The following IL17RD variants were observed in gnomAD, a reference collection of about 807,000 sequenced individuals.
The protein encoded by IL17RD is interleukin 17 receptor D, also known as interleukin-17 receptor D.
In IL17RD, 52 loss-of-function variants were observed where a neutral mutation model predicts 80.5. The observed-to-expected ratio is 0.65, with a 90% CI of 0.52 to 0.81. IL17RD has a LOEUF of 0.81. Ranked by LOEUF, IL17RD falls within the 40% of genes least tolerant of loss-of-function variation. The probability of loss-of-function intolerance (pLI) is 0.00; values close to 1 mark genes in which losing one functional copy is unlikely to be tolerated. For missense variants in IL17RD, 1,024 were observed against 955.1 expected (o/e 1.07, Z -0.95); for synonymous variants, 416 against 391.8 (o/e 1.06, Z -0.73).
intron 1 of IL17RD, among the ~76,000 whole-genome samples, chr3:57,121,879 C>T (rs1376362734): frequency 1.3e-5 from 2 of 152,112 alleles, no homozygotes; most frequent in East Asian, 3.9e-4. Flanking sequence ...TTATAAGCCC[C>T]CAAGACATAA....
intron 5 of IL17RD, among the ~76,000 whole-genome samples, chr3:57,109,180 G>A (rs1707035060): frequency 6.6e-6 from 1 of 152,054 alleles, no homozygotes; most frequent in African/African-American, 2.4e-5. Flanking sequence ...ATGGAATCTT[G>A]CTCTATCACT....
chr3:57,136,641 CAAAAAAAAAA>C (rs59941543), intron 1 of IL17RD, among the ~76,000 whole-genome samples: 1 of 48,100 alleles, frequency 2.1e-5, no homozygotes, highest in African/African-American at 7.3e-5. Flanking sequence ...AACCCCCACT[CAAAAAAAAAA>C]AAAAAAAAAA....
At chr3:57,143,305 T>C (rs1466439591) in intron 1 of IL17RD, among the ~76,000 whole-genome samples, 2 of 152,200 alleles carry the variant, frequency 1.3e-5, no homozygotes, top group Non-Finnish European at 2.9e-5. Context: ...GGCACAAAAC[T>C]GTCTCAGTGC....
intron 1 of IL17RD, among the ~76,000 whole-genome samples, chr3:57,146,862 G>C (rs1221505544): frequency 7.9e-6 from 1 of 125,970 alleles, no homozygotes; most frequent in Non-Finnish European, 1.5e-5. Context: ...CTGTCGCCCA[G>C]ACTGGAGTGC....
At chr3:57,127,563 G>C (rs769317551) in intron 1 of IL17RD, among the ~76,000 whole-genome samples, 18 of 150,848 alleles carry the variant, frequency 1.2e-4, no homozygotes, top group Non-Finnish European at 2.2e-4. Flanking sequence ...CCACCACCAT[G>C]TCTGGCTAAT....
chr3:57,127,412 A>ATATATATATATTTT (rs1246159104), intron 1 of IL17RD, among the ~76,000 whole-genome samples: 1 of 91,216 alleles, frequency 1.1e-5, no homozygotes, highest in African/African-American at 4.9e-5. Flanking sequence ...ATATATATAT[A>ATATATATATATTTT]TTTTTTTTTT....
At chr3:57,143,293 C>T (rs1048730118) in intron 1 of IL17RD, among the ~76,000 whole-genome samples, 1 of 152,210 alleles carries the variant, frequency 6.6e-6, no homozygotes, top group Non-Finnish European at 1.5e-5. Context: ...TTTGTTTGCA[C>T]AGGCACAAAA....
At chr3:57,154,291 C>T (rs200041889) in intron 1 of IL17RD, among the ~76,000 whole-genome samples, 14 of 117,554 alleles carry the variant, frequency 1.2e-4, no homozygotes, top group East Asian at 9.7e-4. Flanking sequence ...TATACACACA[C>T]ACACACACAC....
At chr3:57,124,610 GA>G (rs1229599412) in intron 1 of IL17RD, among the ~76,000 whole-genome samples, 1 of 152,156 alleles carries the variant, frequency 6.6e-6, no homozygotes, top group Non-Finnish European at 1.5e-5. Flanking sequence ...ACAGCCTCCA[GA>G]AGGAGCCAGC....
chr3:57,096,476 T>G lies in IL17RD; in HGVS notation c.2137A>C (p.Lys713Gln). 1.2e-6 allele frequency: 2 copies of G among 1,613,748 alleles called. No homozygotes were observed. The highest frequency in any genetic ancestry group is 1.7e-6 in the Non-Finnish European group (2 of 1,179,734). ...TTGCATGACCCAGAAGAGAGGAGCT[T>G]GGAAGGAAGGGCAGGAGGTTCCTCC... ...GEEEPPALPS[K>Q]LLSSGSCKAD... Residue 713 changes from lysine to glutamine, a missense_variant, in exon 13 of 13, where the codon AAG becomes CAG. Coordinates refer to ENST00000296318, the MANE Select transcript of IL17RD (RefSeq NM_017563.5).
At position 57,096,367 on chromosome 3, in the gene IL17RD, G is replaced by C; in HGVS notation, c.*26C>G. The C allele has an allele frequency of 6.7e-7, 1 of 1,484,556 alleles. No homozygotes were observed. Among genetic ancestry groups the C allele is most frequent in the Non-Finnish European group, 9.4e-7 (1 of 1,061,716 alleles). 92.0% of individuals were successfully genotyped at this position (1,484,556 alleles called of 1,614,324 possible). ...ATCAGAGGGAGGCAGCAGCTAAAGT[G>C]GCAATGCTTAGACTCTTTCGTTTTG... On this transcript the variant is annotated 3_prime_UTR_variant, in exon 13 of 13. Coordinates refer to ENST00000296318, the MANE Select transcript of IL17RD (RefSeq NM_017563.5).
At chr3:57,112,655 T>C (rs941345523) in intron 3 of IL17RD, among the ~76,000 whole-genome samples, 2 of 152,270 alleles carry the variant, frequency 1.3e-5, no homozygotes, top group African/African-American at 4.8e-5. Flanking sequence ...AAAATGTTTT[T>C]AATCTTTAAA....
upstream of IL17RD, among the ~76,000 whole-genome samples, chr3:57,167,784 G>C (rs544913217): frequency 6.6e-6 from 1 of 152,264 alleles, no homozygotes; most frequent in Admixed American, 6.5e-5. Flanking sequence ...CTCTGGTTGC[G>C]AATGAGGTAG....
At chr3:57,143,995 T>C (rs533518614) in intron 1 of IL17RD, among the ~76,000 whole-genome samples, 34 of 152,182 alleles carry the variant, frequency 2.2e-4, no homozygotes, top group Non-Finnish European at 4.4e-4. Flanking sequence ...TCCACAGATA[T>C]TAGGCCCATT....
At chr3:57,101,453 A>G in intron 10 of IL17RD, 90 bp from the exon 11 acceptor site, 1 of 822,468 alleles carries the variant, frequency 1.2e-6, no homozygotes, top group Admixed American at 2.5e-5. Flanking sequence ...TCTTCAAGAA[A>G]GAACACGTCT....
chr3:57,098,061 T>C lies in IL17RD; in HGVS notation c.1642A>G (p.Asn548Asp). The C allele has an allele frequency of 6.2e-7, 1 of 1,614,008 alleles. No individual in the cohort carries two copies. The change falls in exon 12 of 13, where the codon AAC (asparagine) becomes GAC (aspartate). Residue 548 changes from asparagine (N) to aspartate (D), a missense_variant. By Grantham distance (23) the Asn-to-Asp change is conservative. Coordinates refer to ENST00000296318, the MANE Select transcript of IL17RD (RefSeq NM_017563.5). ...TCCTCGTCAATAAACTGGTGCATGT[T>C]GCAAATGGCGACGTATAGGGACCGG... is the stretch of plus-strand genomic sequence containing the variant. ...SGRSLYVAIC[N>D]MHQFIDEEPD...
chr3:57,147,585 T>C (rs764313762), intron 1 of IL17RD, among the ~76,000 whole-genome samples: 5 of 152,144 alleles, frequency 3.3e-5, no homozygotes, highest in Non-Finnish European at 7.3e-5. Flanking sequence ...AGGTAACCCA[T>C]CTGTATGAAG....
In IL17RD at chr3:57,098,230, G is replaced by C; in HGVS notation, c.1473C>G (p.Ile491Met). ...DYSCEGDVPG[I>M]LDLSTKYRLM... ...GTCTGTACTTGGTACTCAGGTCTAG[G>C]ATACCGGGGACGTCTCCCTCGCAGG... The change falls in exon 12 of 13, where the codon ATC (isoleucine) becomes ATG (methionine). Residue 491 changes from isoleucine to methionine, a missense_variant. By Grantham distance (10) the Ile-to-Met change is conservative (BLOSUM62 1). Transcript: ENST00000296318. 6.2e-7 allele frequency: 1 copy of C among 1,613,922 alleles called. No homozygotes were observed. Among genetic ancestry groups the C allele is most frequent in the Non-Finnish European group, 8.5e-7 (1 of 1,179,856 alleles).
intron 1 of IL17RD, among the ~76,000 whole-genome samples, chr3:57,135,888 C>T (rs776288896): frequency 1.0e-4 from 14 of 134,206 alleles, no homozygotes; most frequent in Non-Finnish European, 1.8e-4. Context: ...CAAGAGGACA[C>T]GGTGACAAGG....
Sources: gnomAD v4.1 joint callset for allele counts (sites outside exome capture counted in the v4.1 genomes callset) on GRCh38, gnomAD v4.1.1 for gene constraint, MANE v1.5 for transcripts, NCBI Gene and HGNC (gene_info 2026-07-23, HGNC 2026-07-21) for gene names.